The following DNAH14 variants were observed in gnomAD, a reference collection of about 807,000 sequenced individuals.
DNAH14 encodes axonemal beta dynein heavy chain 14.
DNAH14 carries 478 observed loss-of-function variants against 520.9 expected under a neutral mutation model. The observed-to-expected ratio is 0.92, with a 90% CI of 0.85 to 0.99. The LOEUF is 0.99. DNAH14 is among the 50% of genes least tolerant of loss of function. The pLI, the probability that DNAH14 is intolerant of heterozygous loss-of-function variation, is 0.00. For missense variants in DNAH14, 4,831 were observed against 5,234.5 expected (o/e 0.92, Z 2.38); for synonymous variants, 1,581 against 1,757.2 (o/e 0.90, Z 2.51).
At chr1:225,002,953 C>T in intron 9 of DNAH14, 26 bp downstream of exon 9, 3 of 1,481,796 alleles carry the variant, frequency 2.0e-6, no homozygotes, top group Non-Finnish European at 2.7e-6. Context: ...CTACTATAAG[C>T]TAATATTGGT....
At chr1:225,044,031 A>AT (rs765183387) in intron 15 of DNAH14, 48 bp downstream of exon 15, 18 of 1,169,046 alleles carry the variant, frequency 1.5e-5, no homozygotes, top group Middle Eastern at 2.0e-4. Flanking sequence ...CTTTGGCAAT[A>AT]TTTTTTTAAA....
Position 225,398,504 on chromosome 1 carries a change from C to G in DNAH14, c.13492-16C>G. On this transcript the variant is annotated splice_polypyrimidine_tract_variant and intron_variant, in intron 84 of 85. Coordinates refer to ENST00000682510, the MANE Select transcript of DNAH14 (RefSeq NM_001367479.1). ...TTCTCCTGGGGATCCCTGACACCAC[C>G]TCTCTTCCATCTTAGGGCTCAGCTT... 6.4e-7 allele frequency: 1 copy of G among 1,551,032 alleles called. No individual in the cohort carries two copies. Among genetic ancestry groups the G allele is most frequent in the East Asian group, 2.4e-5 (1 of 40,920 alleles).
intron 15 of DNAH14, 73 bp downstream of exon 15, chr1:225,044,056 G>T: frequency 1.2e-6 from 1 of 853,902 alleles, no homozygotes. Context: ...AGCATCTGAT[G>T]CCTTTACCCA....
intron 41 of DNAH14, among the ~76,000 whole-genome samples, chr1:225,217,918 A>G (rs547270513): frequency 3.6e-4 from 55 of 152,242 alleles, no homozygotes; most frequent in Non-Finnish European, 5.9e-4. Context: ...AGTGAGATGA[A>G]CCTGGTACCT....
intron 61 of DNAH14, among the ~76,000 whole-genome samples, chr1:225,320,140 G>A (rs1434288440): frequency 6.6e-6 from 1 of 152,124 alleles, no homozygotes; most frequent in African/African-American, 2.4e-5. Context: ...GTGTCATAGT[G>A]GTTAAGCACA....
At chr1:225,025,108 A>G (rs1306763978) in intron 11 of DNAH14, among the ~76,000 whole-genome samples, 1 of 151,896 alleles carries the variant, frequency 6.6e-6, no homozygotes, top group Non-Finnish European at 1.5e-5. Flanking sequence ...GAGACCAATG[A>G]GGATGTATTA....
At chr1:225,178,326 C>G (rs959949720) in intron 36 of DNAH14, among the ~76,000 whole-genome samples, 1 of 152,088 alleles carries the variant, frequency 6.6e-6, no homozygotes, top group Non-Finnish European at 1.5e-5. Flanking sequence ...TGGGGAGAGG[C>G]AAAAGGCACT....
intron 43 of DNAH14, among the ~76,000 whole-genome samples, chr1:225,247,038 A>G (rs1229911528): frequency 6.6e-6 from 1 of 152,268 alleles, no homozygotes; most frequent in Non-Finnish European, 1.5e-5. Flanking sequence ...ATGGAATACT[A>G]TGCAGCCATA....
intron 23 of DNAH14, among the ~76,000 whole-genome samples, chr1:225,115,344 A>C (rs536910814): frequency 1.3e-5 from 2 of 152,326 alleles, no homozygotes; most frequent in African/African-American, 4.8e-5. Context: ...TTGAAACAGA[A>C]TGTTTTTATG....
chr1:224,947,662 G>A (rs2059930908), intron 1 of DNAH14, among the ~76,000 whole-genome samples: 1 of 151,746 alleles, frequency 6.6e-6, no homozygotes, highest in Non-Finnish European at 1.5e-5. Context: ...AATATTTCTT[G>A]TTTTCTAGTA....
At chr1:225,163,365 A>C (rs1046366774) in intron 35 of DNAH14, among the ~76,000 whole-genome samples, 5 of 151,944 alleles carry the variant, frequency 3.3e-5, no homozygotes, top group African/African-American at 4.8e-5. Context: ...CTCTTGTCTG[A>C]TTGCTCCAGC....
chr1:225,279,887 A>G (rs2093588138), intron 54 of DNAH14, among the ~76,000 whole-genome samples: 1 of 151,156 alleles, frequency 6.6e-6, no homozygotes, highest in Non-Finnish European at 1.5e-5. Flanking sequence ...AATATACTCA[A>G]AAAGCCTAAA....
rs952978550 is a variant in DNAH14 at position 225,043,742 on chromosome 1, A to T, written c.1769-2A>T. 4 of 1,457,984 alleles carry T rather than the reference A, an allele frequency of 2.7e-6. No homozygotes were observed. In the African/African-American group the frequency reaches 4.2e-5, roughly 15 times the overall value. The allele number at this position is 1,457,984 out of a possible 1,614,324, so 90.3% of individuals were successfully genotyped here. ...TCTCTTTCTTTCAATGGATTCTAAT[A>T]GACACAGAAATTGAGACTGAGTTTG... On this transcript the variant is annotated splice_acceptor_variant, in intron 13 of 85. Coordinates refer to ENST00000682510, the MANE Select transcript of DNAH14 (RefSeq NM_001367479.1). LOFTEE classifies it high-confidence loss of function.
At chr1:224,942,954 T>C (rs1221178795) in intron 1 of DNAH14, among the ~76,000 whole-genome samples, 3 of 152,136 alleles carry the variant, frequency 2.0e-5, no homozygotes, top group African/African-American at 7.2e-5. Flanking sequence ...GGGATATTGG[T>C]CTGAAATTCT....
At chr1:224,957,174 G>A (rs1022697432) in intron 3 of DNAH14, among the ~76,000 whole-genome samples, 3 of 152,032 alleles carry the variant, frequency 2.0e-5, no homozygotes, top group East Asian at 3.9e-4. Context: ...TATCAGTTAC[G>A]GTGATGGGTT....
Position 224,952,668 on chromosome 1 carries a change from A to G in DNAH14, c.-33-2A>G. The G allele has an allele frequency of 6.8e-7, 1 of 1,469,412 alleles. No homozygotes were observed. The allele number at this position is 1,469,412 out of a possible 1,614,324, so 91.0% of individuals were successfully genotyped here. A position where few individuals can be genotyped will look rare whatever the true frequency, so the allele number is the denominator to read the frequency against. On this transcript the variant is annotated splice_acceptor_variant, in intron 1 of 85. Coordinates refer to ENST00000682510, the MANE Select transcript of DNAH14 (RefSeq NM_001367479.1). LOFTEE classifies it low-confidence loss of function (5UTR_SPLICE). Reference sequence around the variant, plus strand: ...AATATAATAATGTGAATTTTGTTACAGCCAGTTCCTTTATAGTTTTGTTCA... The same window carrying G: ...AATATAATAATGTGAATTTTGTTACGGCCAGTTCCTTTATAGTTTTGTTCA...
chr1:225,171,443 C>A (rs2082650768), intron 36 of DNAH14, among the ~76,000 whole-genome samples: 1 of 152,070 alleles, frequency 6.6e-6, no homozygotes, highest in African/African-American at 2.4e-5. Context: ...GGGATATCAC[C>A]ACCGATCCCG....
chr1:225,167,874 G>A (rs2082187919), intron 35 of DNAH14, 65 bp from the exon 36 acceptor site: 1 of 933,966 alleles, frequency 1.1e-6, no homozygotes, highest in Non-Finnish European at 1.6e-6. Context: ...AGAGATTTTG[G>A]AAGATAAAAA....
At chr1:224,993,599 G>T (rs370220889) in intron 8 of DNAH14, among the ~76,000 whole-genome samples, 25 of 151,426 alleles carry the variant, frequency 1.7e-4, no homozygotes, top group African/African-American at 5.6e-4. Context: ...TCTAGCTAAA[G>T]ATTTGTCAAT....
Sources: allele counts gnomAD v4.1 joint callset (sites outside exome capture counted in the v4.1 genomes callset), GRCh38; gene constraint gnomAD v4.1.1; transcripts MANE v1.5; gene names NCBI Gene and HGNC (gene_info 2026-07-23, HGNC 2026-07-21).